CATSPER1: variants seen among roughly 807,000 people sequenced by gnomAD.
The protein encoded by CATSPER1 is cation channel sperm-associated protein 1.
CATSPER1 carries 57 observed loss-of-function variants against 72.7 expected under a neutral mutation model. That is an observed-to-expected ratio of 0.78 (90% CI 0.63 to 0.98). The LOEUF is 0.98. CATSPER1 is among the 50% of genes least tolerant of loss of function. The pLI, the probability that CATSPER1 is intolerant of heterozygous loss-of-function variation, is 0.00. For synonymous variants in CATSPER1, 363 were observed against 403.0 expected (o/e 0.90, Z 1.19); for missense variants, 910 against 1,033.9 (o/e 0.88, Z 1.64).
At chr11:66,019,402 G>A (rs952657269) in intron 9 of CATSPER1, among the ~76,000 whole-genome samples, 37 of 151,824 alleles carry the variant, frequency 2.4e-4, no homozygotes, top group South Asian at 1.5e-3. Context: ...TCAACCTCCC[G>A]AGTAGCTGTG....
In CATSPER1 at chr11:66,017,193, G is replaced by GGGGGGGGGGCCCC; in HGVS notation, c.2202-20_2202-19insGGGGCCCCCCCCC. On this transcript the variant is annotated intron_variant, in intron 10 of 11. Coordinates refer to ENST00000312106, the MANE Select transcript of CATSPER1 (RefSeq NM_053054.4). The stretch of plus-strand genomic sequence containing the variant: ...CTGCTGCCTGCGGGTGGGCGGGGGG[G>GGGGGGGGGGCCCC]TCGCAGAGACAGGGGCTGGGCTGAC... 6.1e-6 allele frequency: 3 copies of GGGGGGGGGGCCCC among 493,812 alleles called. No individual in the cohort carries two copies. The highest frequency in any genetic ancestry group is 1.6e-5 in the South Asian group (1 of 64,082). 30.6% of individuals were successfully genotyped at this position (493,812 alleles called of 1,614,324 possible).
At chr11:66,018,177 CAGCCTGGGTGACAGAGTGAG>C (rs1305203735) in intron 10 of CATSPER1, among the ~76,000 whole-genome samples, 1 of 145,952 alleles carries the variant, frequency 6.9e-6, no homozygotes, top group Non-Finnish European at 1.5e-5. Flanking sequence ...CACTGCACTC[CAGCCTGGGTGACAGAGTGAG>C]ACCCTGTCTC....
intron 3 of CATSPER1, 48 bp from the exon 4 acceptor site, chr11:66,021,691 C>A (rs776835270): frequency 5.6e-6 from 9 of 1,611,346 alleles, no homozygotes; most frequent in Non-Finnish European, 7.6e-6. Context: ...ACGCCAGCGC[C>A]CCCTTCCCCA....
In CATSPER1 at chr11:66,026,420, T is replaced by A. The variant is rs1318739460; in HGVS notation, c.-41A>T. Reference sequence around the variant, plus strand: ...TCTGGAGCCAAAAGAGCTCAAGACCTGGGCCCAACAGGCCCCGCCTGGATT... The same window carrying A: ...TCTGGAGCCAAAAGAGCTCAAGACCAGGGCCCAACAGGCCCCGCCTGGATT... On this transcript the variant is annotated 5_prime_UTR_variant, in exon 1 of 12. Coordinates refer to ENST00000312106, the MANE Select transcript of CATSPER1 (RefSeq NM_053054.4). 1 of 1,607,512 alleles carries A rather than the reference T, an allele frequency of 6.2e-7. No individual in the cohort carries two copies. The highest frequency in any genetic ancestry group is 1.7e-5 in the Admixed American group (1 of 60,002).
At position 66,020,642 on chromosome 11, in the gene CATSPER1, C is replaced by T. The variant is rs764805370; in HGVS notation, c.1928-15G>A. The stretch of plus-strand genomic sequence containing the variant: ...GTACCAGGCGCCTAGGGGGAGCAGG[C>T]CAGAGGGCACAGTCAGGCTGTGCTC... On this transcript the variant is annotated splice_polypyrimidine_tract_variant and intron_variant, in intron 6 of 11. Transcript: ENST00000312106. The surrounding 1 kb of genome is among the most constrained non-coding windows in gnomAD (Gnocchi z 4.5). The T allele has an allele frequency of 1.9e-6, 3 of 1,610,100 alleles. No homozygotes were observed. Among genetic ancestry groups the T allele is most frequent in the Non-Finnish European group, 1.7e-6 (2 of 1,177,736 alleles).
intron 10 of CATSPER1, among the ~76,000 whole-genome samples, chr11:66,018,351 C>T (rs1019346703): frequency 4.6e-5 from 7 of 152,070 alleles, no homozygotes; most frequent in African/African-American, 1.4e-4. Flanking sequence ...ATGTCCTGGC[C>T]CAGCTGGCCA....
At chr11:66,018,974 G>T in intron 9 of CATSPER1, 72 bp from the exon 10 acceptor site, 1 of 1,268,366 alleles carries the variant, frequency 7.9e-7, no homozygotes, top group Non-Finnish European at 1.2e-6. Flanking sequence ...CCATGTGTCA[G>T]GAAGATAAGG....
At position 66,025,256 on chromosome 11, in the gene CATSPER1, G is replaced by T; in HGVS notation, c.1124C>A (p.Thr375Asn). The T allele has an allele frequency of 6.2e-7, 1 of 1,614,166 alleles. No homozygotes were observed. Among genetic ancestry groups the T allele is most frequent in the Non-Finnish European group, 8.5e-7 (1 of 1,180,040 alleles). ...RSSSTIRSRV[T>N]QMSKKVHTQD... is the part of the protein sequence containing the mutation. ...GGTATGGACTTTTTTGGACATCTGGGTGACACGTGAGCGGATTGTGCTGGA... is the reference window on the plus strand; with the variant it reads ...GGTATGGACTTTTTTGGACATCTGGTTGACACGTGAGCGGATTGTGCTGGA... Residue 375 changes from threonine to asparagine, a missense_variant, in exon 1 of 12, where the codon ACC becomes AAC. By Grantham distance (65) the Thr-to-Asn change is moderately conservative. Transcript: ENST00000312106.
In CATSPER1 at chr11:66,025,982, C is replaced by T. The variant is rs1296400407; in HGVS notation, c.398G>A (p.Gly133Asp). ...GGAGTCACTCTGCTGATGGAACCCA[C>T]CGTATTGGGACCCATCATGATGCCT... is the stretch of plus-strand genomic sequence containing the variant. ...GRRHHDGSQY[G>D]GFHQQSDSHY... Residue 133 changes from glycine to aspartate, a missense_variant, in exon 1 of 12, where the codon GGT becomes GAT. Coordinates refer to ENST00000312106, the MANE Select transcript of CATSPER1 (RefSeq NM_053054.4). 1 of 1,613,642 alleles carries T rather than the reference C, an allele frequency of 6.2e-7. No homozygotes were observed. The highest frequency in any genetic ancestry group is 8.5e-7 in the Non-Finnish European group (1 of 1,179,918).
intron 4 of CATSPER1, 22 bp downstream of exon 4, chr11:66,021,474 G>A (rs1214519138): frequency 2.5e-6 from 4 of 1,611,238 alleles, no homozygotes; most frequent in African/African-American, 1.3e-5. Flanking sequence ...CCCCACCCCA[G>A]GTGGGAGCCG....
At position 66,017,186 on chromosome 11, in the gene CATSPER1, C is replaced by CGGGGGGCGGGGGGGGGGGG; in HGVS notation, c.2202-13_2202-12insCCCCCCCCCCCCGCCCCCC. ...GGAGCTCCTGCTGCCTGCGGGTGGG[C>CGGGGGGCGGGGGGGGGGGG]GGGGGGGTCGCAGAGACAGGGGCTG... On this transcript the variant is annotated splice_polypyrimidine_tract_variant and intron_variant, in intron 10 of 11. Coordinates refer to ENST00000312106, the MANE Select transcript of CATSPER1 (RefSeq NM_053054.4). 3.9e-6 allele frequency: 1 copy of CGGGGGGCGGGGGGGGGGGG among 258,976 alleles called. No homozygotes were observed. Among genetic ancestry groups the CGGGGGGCGGGGGGGGGGGG allele is most frequent in the Non-Finnish European group, 7.1e-6 (1 of 141,236 alleles). The allele number at this position is 258,976 out of a possible 1,614,324, so 16.0% of individuals were successfully genotyped here.
At position 66,021,746 on chromosome 11, in the gene CATSPER1, C is replaced by T. The variant is rs1231916538; in HGVS notation, c.1543+20G>A. 2 of 1,613,504 alleles carry T rather than the reference C, an allele frequency of 1.2e-6. No individual in the cohort carries two copies. Among genetic ancestry groups the T allele is most frequent in the South Asian group, 2.2e-5 (2 of 91,070 alleles). On this transcript the variant is annotated intron_variant, in intron 3 of 11. Coordinates refer to ENST00000312106, the MANE Select transcript of CATSPER1 (RefSeq NM_053054.4). ...CTCCCCCAGACTAAACACACGCAGCCTGGCCCCGGCCGCACCCACCCAAAT... is the reference window on the plus strand; with the variant it reads ...CTCCCCCAGACTAAACACACGCAGCTTGGCCCCGGCCGCACCCACCCAAAT...
At chr11:66,019,208 T>A (rs1856303578) in intron 9 of CATSPER1, among the ~76,000 whole-genome samples, 1 of 152,038 alleles carries the variant, frequency 6.6e-6, no homozygotes, top group South Asian at 2.1e-4. Context: ...GTCCATGTCC[T>A]CTGGCTGAAG....
rs1211067806 is a variant in CATSPER1 at position 66,020,628 on chromosome 11, C to G, written c.1928-1G>C. Reference sequence around the variant, plus strand: ...AGGATGGGAATGATGTACCAGGCGCCTAGGGGGAGCAGGCCAGAGGGCACA... The same window carrying G: ...AGGATGGGAATGATGTACCAGGCGCGTAGGGGGAGCAGGCCAGAGGGCACA... On this transcript the variant is annotated splice_acceptor_variant, in intron 6 of 11. Coordinates refer to ENST00000312106, the MANE Select transcript of CATSPER1 (RefSeq NM_053054.4). LOFTEE classifies it high-confidence loss of function. This position sits in a 1 kb window ranked among gnomAD's most constrained non-coding sequence, Gnocchi z 4.5. The G allele has an allele frequency of 6.2e-7, 1 of 1,612,064 alleles. No homozygotes were observed. The highest frequency in any genetic ancestry group is 1.7e-5 in the Admixed American group (1 of 59,856).
chr11:66,017,762 G>T (rs2134985759), intron 10 of CATSPER1, among the ~76,000 whole-genome samples: 1 of 152,350 alleles, frequency 6.6e-6, no homozygotes, highest in Non-Finnish European at 1.5e-5. Context: ...ATGAATGAGA[G>T]ACAGCTTGCC....
Position 66,025,196 on chromosome 11 carries a change from CCCCA to C in CATSPER1, c.1180_1183del (p.Trp394AlafsTer35), listed in dbSNP as rs1417271058. On this transcript the variant is annotated frameshift_variant, in exon 1 of 12. Coordinates refer to ENST00000312106, the MANE Select transcript of CATSPER1 (RefSeq NM_053054.4). LOFTEE classifies it high-confidence loss of function. ...TTTCTGAAATTGCCCTTCTTCTTTG[CCCCA>C]GTCTTCTGAATGTTTGGTGGAGATA... 1 of 1,614,182 alleles carries C rather than the reference CCCCA, an allele frequency of 6.2e-7. No homozygotes were observed. Among genetic ancestry groups the C allele is most frequent in the Non-Finnish European group, 8.5e-7 (1 of 1,180,026 alleles).
rs758275169 is a variant in CATSPER1, at chr11:66,025,471, T to TGATGGTGGGG, written c.908_909insCCCCACCATC (p.Gln303HisfsTer151). On this transcript the variant is annotated frameshift_variant, in exon 1 of 12. Transcript: ENST00000312106. LOFTEE classifies it high-confidence loss of function. ...TGGAATGATACGCGCCGTGGTGGTC[T>TGATGGTGGGG]TGGTGCTGATGGTAGTCTCGGTGCC... 1 of 1,612,362 alleles carries TGATGGTGGGG rather than the reference T, an allele frequency of 6.2e-7. No homozygotes were observed. Among genetic ancestry groups the TGATGGTGGGG allele is most frequent in the Non-Finnish European group, 8.5e-7 (1 of 1,179,654 alleles).
intron 5 of CATSPER1, 27 bp downstream of exon 5, chr11:66,021,067 A>C: frequency 6.3e-7 from 1 of 1,591,276 alleles, no homozygotes. Flanking sequence ...TCAGGCCCCC[A>C]CCCCAGCCCC....
At position 66,020,408 on chromosome 11, in the gene CATSPER1, G is replaced by A. The variant is rs200790313; in HGVS notation, c.1992-19C>T. 1.2e-6 allele frequency: 2 copies of A among 1,613,832 alleles called. No homozygotes were observed. Among genetic ancestry groups the A allele is most frequent in the Non-Finnish European group, 1.7e-6 (2 of 1,179,968 alleles). On this transcript the variant is annotated intron_variant, in intron 7 of 11. Transcript: ENST00000312106. The surrounding 1 kb of genome is among the most constrained non-coding windows in gnomAD (Gnocchi z 4.5). ...CACCAGGCTGGGGAGAGGGACAGGG[G>A]TGTGCCCTCAGCGAGGAGGCCAGAG...
Sources: allele counts gnomAD v4.1 joint callset (sites outside exome capture counted in the v4.1 genomes callset), GRCh38; gene constraint gnomAD v4.1.1; non-coding constraint Gnocchi (gnomAD v3.1); transcripts MANE v1.5; gene names NCBI Gene and HGNC (gene_info 2026-07-23, HGNC 2026-07-21).